TPRG1: variants seen among roughly 807,000 people sequenced by gnomAD.
TPRG1 encodes the protein tumor protein p63-regulated gene 1 protein.
In TPRG1, 29 loss-of-function variants were observed where a neutral mutation model predicts 29.3. The ratio of observed to expected loss-of-function variants is 0.99; its 90% CI spans 0.74 to 1.35. The LOEUF is 1.35. Among genes scored for constraint, TPRG1 ranks in the 40% most tolerant of loss-of-function variants. TPRG1 has a pLI of 0.00. For missense variants in TPRG1, 327 were observed against 335.0 expected (o/e 0.98, Z 0.19); for synonymous variants, 130 against 116.8 (o/e 1.11, Z -0.73).
intron 5 of TPRG1, among the ~76,000 whole-genome samples, chr3:189,317,952 T>G (rs1322601071): frequency 2.0e-4 from 31 of 152,124 alleles, no homozygotes; most frequent in African/African-American, 7.5e-4. Context: ...AAGGAGCTAC[T>G]GCCTCTTCTT....
At chr3:189,272,697 CTTT>C (rs758858538) in intron 4 of TPRG1, among the ~76,000 whole-genome samples, 16 of 128,300 alleles carry the variant, frequency 1.2e-4, no homozygotes, top group African/African-American at 5.3e-4. Flanking sequence ...CTTTCTTTCT[CTTT>C]CTTTCTTTCT....
chr3:189,215,731 A>G (rs1394325840), intron 3 of TPRG1, among the ~76,000 whole-genome samples: 2 of 152,156 alleles, frequency 1.3e-5, no homozygotes, highest in Admixed American at 1.3e-4. Flanking sequence ...TTGAACTACT[A>G]ATCATCTCAT....
intron 4 of TPRG1, among the ~76,000 whole-genome samples, chr3:189,248,974 C>T (rs16864151): frequency 0.12 from 17,557 of 151,114 alleles, 1,974 homozygotes; most frequent in African/African-American, 0.29. Context: ...ATCATACATA[C>T]AGAGTTCTAC....
intron 3 of TPRG1, among the ~76,000 whole-genome samples, chr3:189,136,698 A>G (rs972393575): frequency 6.6e-6 from 1 of 152,288 alleles, no homozygotes; most frequent in South Asian, 2.1e-4. Flanking sequence ...GGGCCTCATC[A>G]AGGTTATTAT....
chr3:189,101,015 A>G (rs1467621797), intron 1 of TPRG1, among the ~76,000 whole-genome samples: 2 of 152,236 alleles, frequency 1.3e-5, no homozygotes, highest in African/African-American at 2.4e-5. Flanking sequence ...TTTGAAGGCC[A>G]TGCACTCTGC....
intron 4 of TPRG1, among the ~76,000 whole-genome samples, chr3:189,067,286 A>G (rs1053668737): frequency 6.6e-6 from 1 of 152,184 alleles, no homozygotes; most frequent in Non-Finnish European, 1.5e-5. Flanking sequence ...CTATCAAAAT[A>G]CAAATTACAT....
At chr3:189,277,978 C>A (rs774895828) in intron 4 of TPRG1, among the ~76,000 whole-genome samples, 26 of 152,190 alleles carry the variant, frequency 1.7e-4, no homozygotes, top group Non-Finnish European at 3.4e-4. Context: ...CACGTCGAAG[C>A]CTATTTCTTT....
At chr3:189,260,121 A>G (rs1358595013) in intron 4 of TPRG1, among the ~76,000 whole-genome samples, 2 of 152,184 alleles carry the variant, frequency 1.3e-5, no homozygotes, top group African/African-American at 4.8e-5. Context: ...TTACTTAACA[A>G]TCCATGCGTC....
intron 4 of TPRG1, among the ~76,000 whole-genome samples, chr3:189,092,670 T>C (rs1219634501): frequency 1.3e-5 from 2 of 152,176 alleles, no homozygotes; most frequent in African/African-American, 4.8e-5. Flanking sequence ...GTGAGGATTC[T>C]ACATCTGCCT....
chr3:189,294,694 A>G (rs1719588390), intron 4 of TPRG1, among the ~76,000 whole-genome samples: 1 of 152,226 alleles, frequency 6.6e-6, no homozygotes, highest in African/African-American at 2.4e-5. Flanking sequence ...TCATAAATAT[A>G]GCAAATATTA....
chr3:189,280,380 T>C (rs1008608729), intron 4 of TPRG1, among the ~76,000 whole-genome samples: 2 of 152,000 alleles, frequency 1.3e-5, no homozygotes, highest in Non-Finnish European at 2.9e-5. Flanking sequence ...CTTCTTTCCG[T>C]ATAGGATAAA....
chr3:189,021,812 T>C (rs1713330234), intron 3 of TPRG1, among the ~76,000 whole-genome samples: 1 of 152,176 alleles, frequency 6.6e-6, no homozygotes. Context: ...TCCTGGATAA[T>C]ATCCTGCAGA....
At chr3:189,287,552 C>T (rs1405992559) in intron 4 of TPRG1, among the ~76,000 whole-genome samples, 2 of 151,952 alleles carry the variant, frequency 1.3e-5, no homozygotes, top group Non-Finnish European at 2.9e-5. Flanking sequence ...CGCCCACCAC[C>T]ACACCTGGCT....
chr3:189,069,996 G>T (rs901991359), intron 4 of TPRG1, among the ~76,000 whole-genome samples: 3 of 152,080 alleles, frequency 2.0e-5, no homozygotes, highest in Non-Finnish European at 4.4e-5. Context: ...CAGGAGAATC[G>T]GTTGAACCTG....
intron 2 of TPRG1, among the ~76,000 whole-genome samples, chr3:189,214,096 G>A (rs148346415): frequency 6.6e-6 from 1 of 152,196 alleles, no homozygotes; most frequent in East Asian, 1.9e-4. Flanking sequence ...ATTTTGATAG[G>A]CTTTGCCAAT....
At chr3:189,196,611 C>A (rs1015415305) in intron 1 of TPRG1, among the ~76,000 whole-genome samples, 20 of 152,160 alleles carry the variant, frequency 1.3e-4, no homozygotes, top group Non-Finnish European at 4.4e-5. Flanking sequence ...ATGGAAAAGA[C>A]TGGCCCCCAT....
chr3:189,011,559 A>G (rs538445084), intron 3 of TPRG1, among the ~76,000 whole-genome samples: 1 of 152,192 alleles, frequency 6.6e-6, no homozygotes, highest in South Asian at 2.1e-4. Context: ...TGGCAGGCAA[A>G]GAGAGCTTGT....
upstream of TPRG1, among the ~76,000 whole-genome samples, chr3:189,096,161 C>T (rs1302962956): frequency 6.6e-6 from 1 of 152,240 alleles, no homozygotes; most frequent in African/African-American, 2.4e-5. Flanking sequence ...TACCACACCT[C>T]AGTTGCATCA....
At chr3:189,159,830 GTGTT>G (rs1334831037) in intron 5 of TPRG1, among the ~76,000 whole-genome samples, 4 of 101,780 alleles carry the variant, frequency 3.9e-5, no homozygotes, top group Non-Finnish European at 5.8e-5. Flanking sequence ...CTTTCATGGA[GTGTT>G]TGTGTATGTG....
Sources: allele counts gnomAD v4.1 joint callset (sites outside exome capture counted in the v4.1 genomes callset), GRCh38; gene constraint gnomAD v4.1.1; transcripts MANE v1.5; gene names NCBI Gene and HGNC (gene_info 2026-07-23, HGNC 2026-07-21).